The following TMEM266 variants were observed in gnomAD, a reference collection of about 807,000 sequenced individuals.
TMEM266 encodes Hv1 related protein 1.
TMEM266 carries 33 observed loss-of-function variants against 50.5 expected under a neutral mutation model. That is an observed-to-expected ratio of 0.65 (90% CI 0.50 to 0.87). TMEM266 has a LOEUF of 0.87. Among genes scored for constraint, TMEM266 ranks in the 40% least tolerant of loss-of-function variants. The pLI is 0.00. For synonymous variants in TMEM266, 310 were observed against 292.3 expected, an observed-to-expected ratio of 1.06 and a Z score of -0.62; for missense variants, 655 against 695.1, an observed-to-expected ratio of 0.94 and a Z score of 0.65.
intron 8 of TMEM266, among the ~76,000 whole-genome samples, chr15:76,177,197 C>T (rs772623349): frequency 3.9e-5 from 6 of 152,254 alleles, no homozygotes; most frequent in Non-Finnish European, 7.3e-5. Flanking sequence ...CCTGGGGCAG[C>T]TCTTCCCGCT....
chr15:76,064,343 C>G (rs2036369933), intron 1 of TMEM266, among the ~76,000 whole-genome samples: 2 of 152,216 alleles, frequency 1.3e-5, no homozygotes, highest in Non-Finnish European at 2.9e-5. Context: ...TGAGAAGCAT[C>G]ACAGCCTGAG....
intron 1 of TMEM266, among the ~76,000 whole-genome samples, chr15:76,119,666 C>G (rs2037310548): frequency 6.6e-6 from 1 of 151,984 alleles, no homozygotes; most frequent in African/African-American, 2.4e-5. Context: ...ACTCAGGAGG[C>G]TGAGGCAGGA....
chr15:76,104,469 A>G (rs2037051127), intron 1 of TMEM266, among the ~76,000 whole-genome samples: 1 of 152,126 alleles, frequency 6.6e-6, no homozygotes, highest in South Asian at 2.1e-4. Context: ...GACAGCGCTG[A>G]TATGTCTCGA....
At chr15:76,156,790 C>T (rs1313864149) in intron 4 of TMEM266, 32 bp downstream of exon 4, 15 of 1,602,662 alleles carry the variant, frequency 9.4e-6, no homozygotes, top group Non-Finnish European at 1.2e-5. Context: ...TATGCCAATA[C>T]ATATGATGTC....
chr15:76,172,530 C>T (rs1460881775), intron 7 of TMEM266, among the ~76,000 whole-genome samples: 1 of 152,216 alleles, frequency 6.6e-6, no homozygotes, highest in African/African-American at 2.4e-5. Flanking sequence ...TATGTTCCAC[C>T]CTGCGAACAC....
chr15:76,072,544 T>A (rs2036553176), intron 1 of TMEM266, among the ~76,000 whole-genome samples: 1 of 151,912 alleles, frequency 6.6e-6, no homozygotes, highest in African/African-American at 2.4e-5. Flanking sequence ...TCTGGACAAG[T>A]CGCTTCACTT....
chr15:76,163,487 C>T (rs2038047771), intron 5 of TMEM266, among the ~76,000 whole-genome samples: 1 of 152,174 alleles, frequency 6.6e-6, no homozygotes, highest in Non-Finnish European at 1.5e-5. Context: ...TTCCAGGTCA[C>T]GCAGGGTCAC....
At chr15:76,138,088 G>A (rs2037619216) in intron 3 of TMEM266, among the ~76,000 whole-genome samples, 193 bp downstream of exon 3, 1 of 152,092 alleles carries the variant, frequency 6.6e-6, no homozygotes, top group African/African-American at 2.4e-5. Flanking sequence ...CGAGTGTGGT[G>A]GTGCAGCCCT....
intron 10 of TMEM266, 22 bp downstream of exon 10, chr15:76,202,286 T>G (rs367780196): frequency 1.2e-6 from 2 of 1,602,712 alleles, no homozygotes; most frequent in Non-Finnish European, 1.7e-6. Context: ...TTGGGGCTGT[T>G]CTACATGTGC....
At chr15:76,084,860 G>A (rs978210997) in intron 1 of TMEM266, among the ~76,000 whole-genome samples, 1 of 151,822 alleles carries the variant, frequency 6.6e-6, no homozygotes, top group Non-Finnish European at 1.5e-5. Context: ...CTTGGCCTCC[G>A]AAAGTGCTGG....
intron 3 of TMEM266, among the ~76,000 whole-genome samples, chr15:76,147,770 C>T (rs1555449589): frequency 6.7e-6 from 1 of 149,504 alleles, no homozygotes; most frequent in Non-Finnish European, 1.5e-5. Context: ...GTGGCTCACG[C>T]CTGTAATCCC....
chr15:76,155,323 T>C lies in TMEM266; in HGVS notation c.228-1281T>C, dbSNP rs531142619. Among the ~76,000 whole-genome samples, 153 of 152,266 alleles carry C rather than the reference T, an allele frequency of 1.0e-3. 2 individuals are homozygous for C. Among genetic ancestry groups the C allele is most frequent in the African/African-American group, 3.6e-3 (150 of 41,560 alleles). On this transcript the variant is annotated intron_variant, in intron 3 of 10. Transcript: ENST00000388942. ...GGTTTGACCTCAGCTCCCCCATCTCTGTATTCCCCAGGCCCCTCAGAGGGG... is the reference window on the plus strand; with the variant it reads ...GGTTTGACCTCAGCTCCCCCATCTCCGTATTCCCCAGGCCCCTCAGAGGGG...
At chr15:76,099,116 G>A (rs1166858957) in intron 1 of TMEM266, among the ~76,000 whole-genome samples, 2 of 152,128 alleles carry the variant, frequency 1.3e-5, no homozygotes, top group African/African-American at 2.4e-5. Context: ...CGTTCCAGGC[G>A]CCACTGGGGT....
chr15:76,160,294 G>A lies in TMEM266; in HGVS notation c.456+126G>A. Reference sequence around the variant, plus strand: ...CTGCTAGCCCTTGAGGCTGCTGGGAGGGAGACACAATATAGATAGATGATC... The same window carrying A: ...CTGCTAGCCCTTGAGGCTGCTGGGAAGGAGACACAATATAGATAGATGATC... On this transcript the variant is annotated intron_variant, in intron 5 of 10. Transcript: ENST00000388942. The surrounding 1 kb of genome is among the most constrained non-coding windows in gnomAD (Gnocchi z 5.7). 1.0e-6 allele frequency: 1 copy of A among 954,320 alleles called. No homozygotes were observed. The allele number at this position is 954,320 out of a possible 1,614,324, so 59.1% of individuals were successfully genotyped here.
chr15:76,201,073 C>G (rs2038738766), intron 9 of TMEM266, among the ~76,000 whole-genome samples: 1 of 152,058 alleles, frequency 6.6e-6, no homozygotes, highest in Non-Finnish European at 1.5e-5. Flanking sequence ...CTAGGGGCAG[C>G]CCTGGAGCAC....
At chr15:76,130,235 A>C (rs2037485919) in intron 1 of TMEM266, among the ~76,000 whole-genome samples, 2 of 131,816 alleles carry the variant, frequency 1.5e-5, no homozygotes, top group African/African-American at 2.8e-5. Flanking sequence ...AAAAAAAAAA[A>C]AAAAAAAAAA....
intron 1 of TMEM266, among the ~76,000 whole-genome samples, chr15:76,112,365 G>A (rs1252746766): frequency 2.0e-5 from 3 of 152,182 alleles, no homozygotes; most frequent in East Asian, 1.9e-4. Context: ...GTTAAAAATA[G>A]GGGAAACTGT....
intron 1 of TMEM266, among the ~76,000 whole-genome samples, chr15:76,118,110 G>C (rs2037279277): frequency 2.0e-5 from 3 of 152,216 alleles, no homozygotes; most frequent in African/African-American, 4.8e-5. Context: ...CTGCACCCCT[G>C]GGAAGATCCA....
At chr15:76,067,452 G>A (rs571633814) in intron 1 of TMEM266, among the ~76,000 whole-genome samples, 1 of 151,932 alleles carries the variant, frequency 6.6e-6, no homozygotes, top group Non-Finnish European at 1.5e-5. Context: ...AGACCAGCCT[G>A]GCCAACATGG....
Sources: gnomAD v4.1 joint callset for allele counts (sites outside exome capture counted in the v4.1 genomes callset) on GRCh38, gnomAD v4.1.1 for gene constraint, Gnocchi (gnomAD v3.1) non-coding constraint, MANE v1.5 for transcripts, NCBI Gene and HGNC (gene_info 2026-07-23, HGNC 2026-07-21) for gene names.